Variants in FHIT observed in about 807,000 individuals in gnomAD.
The protein encoded by FHIT is fragile histidine triad diadenosine triphosphatase, also known as bis(5'-adenosyl)-triphosphatase.
In FHIT, 19 loss-of-function variants were observed where a neutral mutation model predicts 17.9. The ratio of observed to expected loss-of-function variants is 1.06; its 90% confidence interval spans 0.74 to 1.56. FHIT has a LOEUF of 1.56. Ranked by LOEUF, FHIT falls within the 40% of genes most tolerant of loss-of-function variation. The pLI, the probability that FHIT is intolerant of heterozygous loss-of-function variation, is 0.00. For synonymous variants in FHIT, 81 were observed against 69.7 expected (o/e 1.16, Z -0.81); for missense variants, 248 against 189.2 (o/e 1.31, Z -1.82).
intron 5 of FHIT, among the ~76,000 whole-genome samples, chr3:60,192,366 T>C (rs1559714836): frequency 6.6e-6 from 1 of 151,682 alleles, no homozygotes; most frequent in African/African-American, 2.4e-5. Context: ...CAGATGTAGG[T>C]TTAGGACTCA....
In FHIT at chr3:60,306,739, C is replaced by A. The variant is rs570348722; in HGVS notation, c.103+230121G>T. On this transcript the variant is annotated intron_variant, in intron 5 of 9. Coordinates refer to ENST00000492590, the MANE Select transcript of FHIT (RefSeq NM_002012.4). Reference sequence around the variant, plus strand: ...ATAATTCTAAATATAAAATAAAAAACAAACACATTACATGATTTTACAAAT... The same window carrying A: ...ATAATTCTAAATATAAAATAAAAAAAAAACACATTACATGATTTTACAAAT... Among the ~76,000 whole-genome samples the A allele has an allele frequency of 5.9e-5, 9 of 152,174 alleles. No homozygotes were observed. In the South Asian group the frequency reaches 1.9e-3, roughly 31 times the overall value.
At chr3:60,531,154 G>A (rs985297735) in intron 5 of FHIT, among the ~76,000 whole-genome samples, 6 of 151,932 alleles carry the variant, frequency 3.9e-5, no homozygotes, top group Non-Finnish European at 7.4e-5. Context: ...AGCATGCACA[G>A]AGCAAAGACA....
chr3:59,829,347 C>T (rs1030406496), intron 8 of FHIT, among the ~76,000 whole-genome samples: 4 of 152,252 alleles, frequency 2.6e-5, no homozygotes, highest in Admixed American at 6.5e-5. Flanking sequence ...TTCCTTAGAG[C>T]GCCTCAGTGT....
chr3:61,003,126 G>T (rs925039298), intron 3 of FHIT, among the ~76,000 whole-genome samples: 4 of 152,134 alleles, frequency 2.6e-5, no homozygotes, highest in Non-Finnish European at 4.4e-5. Flanking sequence ...AGAATCTTAG[G>T]TTTTTATATA....
intron 3 of FHIT, among the ~76,000 whole-genome samples, chr3:60,899,557 C>T (rs1366215826): frequency 6.6e-6 from 1 of 152,124 alleles, no homozygotes; most frequent in East Asian, 1.9e-4. Flanking sequence ...GGCTGCTCAG[C>T]AAATAAAGGA....
At chr3:60,769,255 C>G (rs990447250) in intron 4 of FHIT, among the ~76,000 whole-genome samples, 2 of 152,256 alleles carry the variant, frequency 1.3e-5, no homozygotes, top group East Asian at 1.9e-4. Context: ...GACTATCCTA[C>G]AGGCTGCAGA....
chr3:60,426,334 A>G (rs1702664425), intron 5 of FHIT, among the ~76,000 whole-genome samples: 1 of 152,140 alleles, frequency 6.6e-6, no homozygotes, highest in Admixed American at 6.6e-5. Context: ...CCATTGCTCT[A>G]AAGTCTCCCA....
At chr3:60,968,111 T>G (rs182617217) in intron 3 of FHIT, among the ~76,000 whole-genome samples, 1 of 152,236 alleles carries the variant, frequency 6.6e-6, no homozygotes, top group Non-Finnish European at 1.5e-5. Flanking sequence ...GTTGCCAGAA[T>G]GGCAGCCCGA....
chr3:60,785,626 A>C (rs1700540106), intron 4 of FHIT, among the ~76,000 whole-genome samples: 1 of 152,122 alleles, frequency 6.6e-6, no homozygotes. Context: ...CAGGGGGCAA[A>C]ATTTGAAATT....
intron 5 of FHIT, among the ~76,000 whole-genome samples, chr3:60,379,728 T>C (rs2107105850): frequency 6.6e-6 from 1 of 152,284 alleles, no homozygotes; most frequent in Admixed American, 6.5e-5. Context: ...TGTTAAGTTT[T>C]AGAGATCCAT....
chr3:60,845,677 G>C (rs1408150464), intron 3 of FHIT, among the ~76,000 whole-genome samples: 1 of 152,192 alleles, frequency 6.6e-6, no homozygotes, highest in East Asian at 1.9e-4. Context: ...TTCATATGCA[G>C]ACTTCAGTTA....
intron 5 of FHIT, among the ~76,000 whole-genome samples, chr3:60,394,456 G>T (rs1224710497): frequency 6.6e-6 from 1 of 152,094 alleles, no homozygotes; most frequent in Non-Finnish European, 1.5e-5. Flanking sequence ...CAAAAGGACT[G>T]AACATGCCCA....
chr3:61,115,702 T>G (rs532012117), intron 2 of FHIT, among the ~76,000 whole-genome samples: 2 of 152,126 alleles, frequency 1.3e-5, no homozygotes, highest in South Asian at 2.1e-4. Context: ...CTTGAGACAG[T>G]TGAGAGGATA....
chr3:60,390,921 T>C (rs1018131494), intron 5 of FHIT, among the ~76,000 whole-genome samples: 2 of 152,186 alleles, frequency 1.3e-5, no homozygotes, highest in African/African-American at 2.4e-5. Flanking sequence ...GGCTCATGCC[T>C]GTAATCCCAG....
At position 60,331,827 on chromosome 3, in the gene FHIT, C is replaced by A. The variant is rs1334676032; in HGVS notation, c.103+205033G>T. The stretch of plus-strand genomic sequence containing the variant: ...CGCCGTTGCACTCCAGCCTGGGCAA[C>A]AAGAGCAAAACTCTGTCTCGGAAAA... On this transcript the variant is annotated intron_variant, in intron 5 of 9. Transcript: ENST00000492590. Among the ~76,000 whole-genome samples the A allele has an allele frequency of 9.5e-5, 13 of 136,148 alleles. No individual in the cohort carries two copies. The East Asian group carries it at 1.3e-3, about 13-fold the overall frequency. The allele number at this position is 136,148 out of a possible 152,430, so 89.3% of individuals were successfully genotyped here.
At chr3:60,801,820 A>C (rs1233535479) in intron 4 of FHIT, among the ~76,000 whole-genome samples, 1 of 152,218 alleles carries the variant, frequency 6.6e-6, no homozygotes, top group Non-Finnish European at 1.5e-5. Context: ...CTATATACAT[A>C]CTGGTGATGA....
At chr3:60,242,642 T>C (rs1576358797) in intron 5 of FHIT, among the ~76,000 whole-genome samples, 1 of 152,128 alleles carries the variant, frequency 6.6e-6, no homozygotes, top group South Asian at 2.1e-4. Flanking sequence ...TCAGTAACTA[T>C]ATTATTTATT....
intron 3 of FHIT, among the ~76,000 whole-genome samples, chr3:61,021,239 C>A (rs939855846): frequency 6.6e-6 from 1 of 152,188 alleles, no homozygotes; most frequent in Non-Finnish European, 1.5e-5. Context: ...CTTCTCAGCA[C>A]CACATCGCAC....
At chr3:60,031,485 T>G (rs890313987) in intron 5 of FHIT, among the ~76,000 whole-genome samples, 2 of 152,226 alleles carry the variant, frequency 1.3e-5, no homozygotes, top group Non-Finnish European at 2.9e-5. Context: ...GACTCAGATC[T>G]GGATTCCAAT....
Sources: allele counts gnomAD v4.1 joint callset (sites outside exome capture counted in the v4.1 genomes callset), GRCh38; gene constraint gnomAD v4.1.1; transcripts MANE v1.5; gene names NCBI Gene and HGNC (gene_info 2026-07-23, HGNC 2026-07-21).